The following GBF1 variants were observed in gnomAD, a reference collection of about 807,000 sequenced individuals.
GBF1 encodes the protein Golgi-specific brefeldin A-resistance guanine nucleotide exchange factor 1.
In GBF1, 114 loss-of-function variants were observed where a neutral mutation model predicts 210.5. That is an observed-to-expected ratio of 0.54 (90% CI 0.47 to 0.63). GBF1 has a LOEUF of 0.63. Ranked by LOEUF, GBF1 falls within the 30% of genes least tolerant of loss-of-function variation. The pLI is 0.00. For synonymous variants in GBF1, 850 were observed against 889.2 expected (o/e 0.96, Z 0.78); for missense variants, 1,851 against 2,357.7 (o/e 0.79, Z 4.45).
intron 3 of GBF1, among the ~76,000 whole-genome samples, chr10:102,294,698 A>AT (rs1279494053): frequency 6.6e-6 from 1 of 151,934 alleles, no homozygotes; most frequent in Non-Finnish European, 1.5e-5. Flanking sequence ...TTTATGCAGT[A>AT]TTTTTACTGT....
At chr10:102,351,077 ACT>A (rs1470941758) in intron 4 of GBF1, among the ~76,000 whole-genome samples, 177 bp from the exon 5 acceptor site, 3 of 146,148 alleles carry the variant, frequency 2.1e-5, no homozygotes, top group Non-Finnish European at 3.0e-5. Context: ...ACAAAGTGAG[ACT>A]CTGTCTCAAA....
chr10:102,231,940 C>T, the GBF1 span: 2 of 1,588,898 alleles, frequency 1.3e-6, no homozygotes, highest in Admixed American at 3.3e-5. Context: ...ATGTCCTGCA[C>T]CCCCGGAAGG....
At chr10:102,334,630 C>G (rs1211318742) in intron 3 of GBF1, among the ~76,000 whole-genome samples, 1 of 152,216 alleles carries the variant, frequency 6.6e-6, no homozygotes, top group Middle Eastern at 3.4e-3. Flanking sequence ...GGGCACATCA[C>G]GAGGTCAGGA....
chr10:102,237,881 TCC>T, the GBF1 span, among the ~76,000 whole-genome samples: 1 of 150,196 alleles, frequency 6.7e-6, no homozygotes, highest in Non-Finnish European at 1.5e-5. Context: ...ACTGCCCTCC[TCC>T]CCCGCCCACC....
At chr10:102,377,499 G>T (rs1195399873) in intron 33 of GBF1, among the ~76,000 whole-genome samples, 1 of 151,986 alleles carries the variant, frequency 6.6e-6, no homozygotes, top group East Asian at 1.9e-4. Flanking sequence ...GACTACAGGC[G>T]CGTGCCACCA....
chr10:102,259,618 T>C (rs528216330), intron 2 of GBF1, among the ~76,000 whole-genome samples: 1 of 152,340 alleles, frequency 6.6e-6, no homozygotes, highest in African/African-American at 2.4e-5. Flanking sequence ...GGAGTTTATA[T>C]GAACATAGTT....
At chr10:102,323,940 C>T (rs1392304128) in intron 3 of GBF1, among the ~76,000 whole-genome samples, 1 of 152,078 alleles carries the variant, frequency 6.6e-6, no homozygotes, top group Non-Finnish European at 1.5e-5. Flanking sequence ...CCCTGCCTGC[C>T]TACTTTCTAG....
intron 3 of GBF1, among the ~76,000 whole-genome samples, chr10:102,339,772 C>T (rs2058042906): frequency 1.3e-5 from 2 of 151,976 alleles, no homozygotes; most frequent in South Asian, 4.1e-4. Context: ...AAGAGACTCA[C>T]AAAAATATGG....
At chr10:102,379,066 T>A (rs2060684662) in intron 33 of GBF1, among the ~76,000 whole-genome samples, 1 of 152,152 alleles carries the variant, frequency 6.6e-6, no homozygotes, top group African/African-American at 2.4e-5. Flanking sequence ...CTCCTAAGGC[T>A]CTCTCTCTCA....
intron 4 of GBF1, among the ~76,000 whole-genome samples, chr10:102,346,366 A>G (rs1314145149): frequency 6.6e-6 from 1 of 152,206 alleles, no homozygotes; most frequent in Non-Finnish European, 1.5e-5. Context: ...GCATTTTTAT[A>G]GCTATTACCA....
rs138313738 is a variant in GBF1 at position 102,363,314 on chromosome 10, G to C, written c.1935G>C (p.Leu645=). 5.0e-5 allele frequency: 81 copies of C among 1,613,844 alleles called. No homozygotes were observed. In the African/African-American group the frequency reaches 8.9e-4, roughly 18 times the overall value. The change falls in exon 16 of 40, where the codon CTG becomes CTC. Residue 645 remains leucine, a synonymous_variant. Coordinates refer to ENST00000369983, the MANE Select transcript of GBF1 (RefSeq NM_001377137.1). This position sits in a 1 kb window ranked among gnomAD's most constrained non-coding sequence, Gnocchi z 4.2. ...AVGMASDIPG[L]HLPGGGRLPP... ...GCATGGCCTCAGACATCCCAGGCCTGCATCTGCCAGGTGGAGGGCGGCTGC... is the reference window on the plus strand; with the variant it reads ...GCATGGCCTCAGACATCCCAGGCCTCCATCTGCCAGGTGGAGGGCGGCTGC...
chr10:102,279,905 G>A (rs1313257789), intron 3 of GBF1, among the ~76,000 whole-genome samples: 5 of 152,170 alleles, frequency 3.3e-5, no homozygotes, highest in Non-Finnish European at 7.4e-5. Context: ...GATTGCTTGA[G>A]CTCAGGAGTT....
intron 3 of GBF1, among the ~76,000 whole-genome samples, chr10:102,295,708 C>T (rs906700825): frequency 1.3e-5 from 2 of 152,026 alleles, no homozygotes; most frequent in African/African-American, 4.8e-5. Flanking sequence ...TGAAAATTTT[C>T]ATAAGCTTTT....
chr10:102,331,833 C>T (rs1288205073), intron 3 of GBF1, among the ~76,000 whole-genome samples: 3 of 149,600 alleles, frequency 2.0e-5, no homozygotes, highest in African/African-American at 5.0e-5. Context: ...TACAGGCGCA[C>T]GCCACCATAC....
At chr10:102,368,491 A>C in intron 22 of GBF1, 37 bp downstream of exon 22, 1 of 1,095,144 alleles carries the variant, frequency 9.1e-7, no homozygotes, top group Non-Finnish European at 1.4e-6. Context: ...ACCTCCCACT[A>C]GCTCTGTGAG....
At chr10:102,289,775 CAA>C (rs1380320785) in intron 3 of GBF1, among the ~76,000 whole-genome samples, 1 of 152,092 alleles carries the variant, frequency 6.6e-6, no homozygotes, top group Non-Finnish European at 1.5e-5. Context: ...ATAAAAGTAA[CAA>C]AGCAGGCAAA....
At chr10:102,346,311 G>A (rs1000107592) in intron 4 of GBF1, among the ~76,000 whole-genome samples, 2 of 151,996 alleles carry the variant, frequency 1.3e-5, no homozygotes, top group African/African-American at 4.8e-5. Context: ...TTGTATGAAA[G>A]ATTTCTGAAC....
intron 1 of GBF1, among the ~76,000 whole-genome samples, chr10:102,256,504 T>G (rs1014218079): frequency 6.6e-6 from 1 of 151,332 alleles, no homozygotes; most frequent in African/African-American, 2.4e-5. Context: ...ATACATTCTC[T>G]TTGTAAAAAA....
At chr10:102,367,581 G>C (rs2059982203) in intron 21 of GBF1, 21 bp downstream of exon 21, 4 of 1,277,422 alleles carry the variant, frequency 3.1e-6, no homozygotes, top group Non-Finnish European at 4.6e-6. Context: ...ATAGAGAATA[G>C]TGCAGTATCT....
Sources: gnomAD v4.1 joint callset for allele counts (sites outside exome capture counted in the v4.1 genomes callset) on GRCh38, gnomAD v4.1.1 for gene constraint, Gnocchi (gnomAD v3.1) non-coding constraint, MANE v1.5 for transcripts, NCBI Gene and HGNC (gene_info 2026-07-23, HGNC 2026-07-21) for gene names.